ACER3: variants seen among roughly 807,000 people sequenced by gnomAD.
The protein encoded by ACER3 is alkCDase 3.
In ACER3, 16 loss-of-function variants were observed where a neutral mutation model predicts 48.9. The ratio of observed to expected loss-of-function variants is 0.33; its 90% CI spans 0.22 to 0.50. The LOEUF is 0.50. ACER3 is among the 20% of genes least tolerant of loss of function. The pLI, the probability that ACER3 is intolerant of heterozygous loss-of-function variation, is 0.98. For synonymous variants in ACER3, 109 were observed against 107.8 expected (o/e 1.01, Z -0.07); for missense variants, 227 against 326.0 (o/e 0.70, Z 2.34).
intron 1 of ACER3, among the ~76,000 whole-genome samples, chr11:76,908,383 G>A (rs1410252761): frequency 6.6e-6 from 1 of 152,132 alleles, no homozygotes; most frequent in Non-Finnish European, 1.5e-5. Context: ...TCCTTAAGCT[G>A]ATAAGCAACT....
rs1225767162 is a variant in ACER3, at chr11:77,023,322, G to C, written c.*2995G>C. 1.0e-5 allele frequency: 4 copies of C among 394,112 alleles called. No homozygotes were observed. Among genetic ancestry groups the C allele is most frequent in the Non-Finnish European group, 1.8e-5 (4 of 223,282 alleles). The allele number at this position is 394,112 out of a possible 1,614,324, so 24.4% of individuals were successfully genotyped here. On this transcript the variant is annotated 3_prime_UTR_variant, in exon 11 of 11. Transcript: ENST00000532485. ...CTAAGAGGGTTTTTCTTATAATAAGGAGAAGAGGTGTGGTTCAAAGAAAAT... is the reference window on the plus strand; with the variant it reads ...CTAAGAGGGTTTTTCTTATAATAAGCAGAAGAGGTGTGGTTCAAAGAAAAT...
Position 77,022,878 on chromosome 11 carries a change from AAAAAAAAAAAAAAAG to A in ACER3, c.*2556_*2570del. 1 of 21,536 alleles carries A rather than the reference AAAAAAAAAAAAAAAG, an allele frequency of 4.6e-5. No individual in the cohort carries two copies. The highest frequency in any genetic ancestry group is 1.2e-4 in the Non-Finnish European group (1 of 8,240). The allele number at this position is 21,536 out of a possible 1,614,324, so 1.3% of individuals were successfully genotyped here. On this transcript the variant is annotated 3_prime_UTR_variant, in exon 11 of 11. Coordinates refer to ENST00000532485, the MANE Select transcript of ACER3 (RefSeq NM_018367.7). ...AGCGAGACTCCGTCTCAAAAAAAAAAAAAAAAAAAAAAAAGAAAAGAAAAGAAAATATAAGGATGT... is the reference window on the plus strand; with the variant it reads ...AGCGAGACTCCGTCTCAAAAAAAAAAAAAAGAAAAGAAAATATAAGGATGT...
In ACER3 at chr11:77,020,337, C is replaced by A; in HGVS notation, c.*10C>A. ...TCTCAGGAAGCATTGATGAATCATT[C>A]CACCAAGAAAACAAACAAGCACCTA... On this transcript the variant is annotated 3_prime_UTR_variant, in exon 11 of 11. Coordinates refer to ENST00000532485, the MANE Select transcript of ACER3 (RefSeq NM_018367.7). 6.2e-7 allele frequency: 1 copy of A among 1,612,898 alleles called. No individual in the cohort carries two copies. The highest frequency in any genetic ancestry group is 8.5e-7 in the Non-Finnish European group (1 of 1,179,648).
chr11:76,992,836 T>C (rs145952921), intron 6 of ACER3, among the ~76,000 whole-genome samples: 6 of 151,598 alleles, frequency 4.0e-5, no homozygotes, highest in Non-Finnish European at 5.9e-5. Flanking sequence ...AGTTAACCTC[T>C]CTGAGCTGGC....
intron 1 of ACER3, among the ~76,000 whole-genome samples, chr11:76,922,330 A>G (rs993077601): frequency 2.6e-5 from 4 of 152,158 alleles, no homozygotes; most frequent in African/African-American, 9.7e-5. Flanking sequence ...GCTAAATTTA[A>G]TACTACCTGT....
At chr11:76,974,815 T>A (rs1043936209) in intron 3 of ACER3, among the ~76,000 whole-genome samples, 1 of 152,082 alleles carries the variant, frequency 6.6e-6, no homozygotes, top group Non-Finnish European at 1.5e-5. Flanking sequence ...AAGTTATAGC[T>A]TAAAAAAAAA....
At chr11:77,007,953 TAA>T (rs1427342082) in intron 7 of ACER3, among the ~76,000 whole-genome samples, 1 of 152,174 alleles carries the variant, frequency 6.6e-6, no homozygotes, top group Non-Finnish European at 1.5e-5. Flanking sequence ...CACAAAAAAA[TAA>T]GTGATGGGTA....
At chr11:76,948,543 C>G (rs1055501278) in intron 2 of ACER3, among the ~76,000 whole-genome samples, 1 of 152,014 alleles carries the variant, frequency 6.6e-6, no homozygotes. Context: ...CCATGCATGC[C>G]CTGGAAGTCA....
intron 7 of ACER3, among the ~76,000 whole-genome samples, chr11:77,008,889 T>C (rs1256769968): frequency 6.6e-6 from 1 of 152,006 alleles, no homozygotes; most frequent in Admixed American, 6.6e-5. Flanking sequence ...AGACCTAGTC[T>C]ATACAAAAAG....
chr11:76,904,051 A>G (rs1486952042), intron 1 of ACER3, among the ~76,000 whole-genome samples: 1 of 151,986 alleles, frequency 6.6e-6, no homozygotes, highest in Non-Finnish European at 1.5e-5. Context: ...CAGTGGTGCA[A>G]TTTTGGCTCA....
chr11:76,882,504 T>A (rs531270775), intron 1 of ACER3, among the ~76,000 whole-genome samples: 24 of 152,300 alleles, frequency 1.6e-4, no homozygotes, highest in Admixed American at 5.9e-4. Context: ...TCCAGAGATT[T>A]CCTATCTTTT....
At chr11:76,892,548 T>G (rs549227284) in intron 1 of ACER3, among the ~76,000 whole-genome samples, 70 of 152,266 alleles carry the variant, frequency 4.6e-4, no homozygotes, top group Admixed American at 8.5e-4. Context: ...TGGTTTTCTT[T>G]AAAGCAGTTT....
intron 3 of ACER3, among the ~76,000 whole-genome samples, chr11:76,974,140 A>C (rs899854204): frequency 3.3e-5 from 5 of 152,192 alleles, no homozygotes; most frequent in African/African-American, 1.2e-4. Context: ...GTAAGTCTTG[A>C]AATTGGAGAG....
chr11:77,016,194 C>CCAT (rs1337769099), intron 8 of ACER3, among the ~76,000 whole-genome samples: 1 of 151,516 alleles, frequency 6.6e-6, no homozygotes, highest in African/African-American at 2.4e-5. Context: ...ATATATCCAA[C>CCAT]CAGATACAAT....
At chr11:76,983,341 T>C (rs2135189305) in intron 4 of ACER3, among the ~76,000 whole-genome samples, 1 of 152,262 alleles carries the variant, frequency 6.6e-6, no homozygotes, top group East Asian at 1.9e-4. Context: ...TTTTTTGACA[T>C]GGGGTCTGGC....
chr11:76,984,287 G>A (rs1434860072), intron 4 of ACER3, among the ~76,000 whole-genome samples: 3 of 152,106 alleles, frequency 2.0e-5, no homozygotes, highest in Non-Finnish European at 4.4e-5. Context: ...ATACAAGCCA[G>A]GCCTCCTAAA....
chr11:76,885,138 A>G (rs1305432665), intron 1 of ACER3, among the ~76,000 whole-genome samples: 1 of 152,044 alleles, frequency 6.6e-6, no homozygotes, highest in East Asian at 1.9e-4. Context: ...ATCGTTTTTT[A>G]TTCTTTACTT....
At chr11:76,869,281 A>T (rs547660815) in intron 1 of ACER3, among the ~76,000 whole-genome samples, 1 of 152,178 alleles carries the variant, frequency 6.6e-6, no homozygotes, top group Non-Finnish European at 1.5e-5. Flanking sequence ...TTCTGTGATG[A>T]TTGTTGGGTT....
intron 1 of ACER3, among the ~76,000 whole-genome samples, chr11:76,920,886 C>A (rs1479246727): frequency 6.6e-6 from 1 of 152,018 alleles, no homozygotes. Context: ...CAATCCTCCC[C>A]CCTTGGCTTT....
Sources: allele counts gnomAD v4.1 joint callset (sites outside exome capture counted in the v4.1 genomes callset), GRCh38; gene constraint gnomAD v4.1.1; transcripts MANE v1.5; gene names NCBI Gene and HGNC (gene_info 2026-07-23, HGNC 2026-07-21).